Variants in ADAP1 observed in about 807,000 individuals in gnomAD.
The protein encoded by ADAP1 is ArfGAP with dual PH domains 1.
A neutral mutation model predicts 54.9 loss-of-function variants in ADAP1; 31 were observed. The ratio of observed to expected loss-of-function variants is 0.56; its 90% CI spans 0.42 to 0.76. The LOEUF (loss-of-function observed/expected upper bound fraction) is 0.76, where lower values mean the gene tolerates loss of function less well. Among genes scored for constraint, ADAP1 ranks in the 30% least tolerant of loss-of-function variants. The pLI is 0.00. For missense variants in ADAP1, 535 were observed against 512.4 expected (o/e 1.04, Z -0.42); for synonymous variants, 313 against 202.6 (o/e 1.55, Z -4.63).
At chr7:951,544 TG>T (rs1294006355) in intron 1 of ADAP1, among the ~76,000 whole-genome samples, 2 of 151,558 alleles carry the variant, frequency 1.3e-5, no homozygotes, top group African/African-American at 4.9e-5. Flanking sequence ...GCCACTGCAC[TG>T]TAGCCTGGGT....
At chr7:935,617 G>A (rs898206690) in intron 1 of ADAP1, 112 bp from the exon 2 acceptor site, 34 of 1,375,696 alleles carry the variant, frequency 2.5e-5, no homozygotes, top group Non-Finnish European at 3.0e-5. Flanking sequence ...GGGCTTCAGC[G>A]GAGACCCCCG....
intron 2 of ADAP1, among the ~76,000 whole-genome samples, chr7:928,535 C>T (rs1320551859): frequency 6.6e-6 from 1 of 152,192 alleles, no homozygotes; most frequent in East Asian, 1.9e-4. Flanking sequence ...CCACCTCGGC[C>T]TAAAAATGGG....
rs1847131777 is a variant in ADAP1 at position 946,131 on chromosome 7, GT to G, written c.82+8264del. ...TACGTGAGGCGGGGCATGCATGGCT[GT>G]CCCCCAGGCACACAGCGCCCCACTC... On this transcript the variant is annotated intron_variant, in intron 1 of 10. Coordinates refer to ENST00000265846, the MANE Select transcript of ADAP1 (RefSeq NM_006869.4). This position sits in a 1 kb window ranked among gnomAD's most constrained non-coding sequence, Gnocchi z 4.3. Among the ~76,000 whole-genome samples, 1 of 152,202 alleles carries G rather than the reference GT, an allele frequency of 6.6e-6. No individual in the cohort carries two copies. The highest frequency in any genetic ancestry group is 6.5e-5 in the Admixed American group (1 of 15,286).
chr7:905,214 G>C, intron 4 of ADAP1, 42 bp from the exon 5 acceptor site: 1 of 1,535,160 alleles, frequency 6.5e-7, no homozygotes, highest in Middle Eastern at 1.7e-4. Context: ...AGTGGATGGG[G>C]GGGAGGAAAC....
rs79283914 is a variant in ADAP1 at position 950,238 on chromosome 7, C to T, written c.82+4158G>A. Among the ~76,000 whole-genome samples the T allele has an allele frequency of 4.0e-3, 606 of 152,368 alleles. 11 individuals are homozygous for T. In the East Asian group the frequency reaches 0.04, roughly 10 times the overall value. On this transcript the variant is annotated intron_variant, in intron 1 of 10. Coordinates refer to ENST00000265846, the MANE Select transcript of ADAP1 (RefSeq NM_006869.4). The stretch of plus-strand genomic sequence containing the variant: ...TGGTGGCTCACACCTGTAATCCCAG[C>T]ACTTCGGGAGGCCGAGGCAGGCGGA...
At chr7:947,321 T>C (rs1436033023) in intron 1 of ADAP1, among the ~76,000 whole-genome samples, 1 of 149,726 alleles carries the variant, frequency 6.7e-6, no homozygotes, top group Non-Finnish European at 1.5e-5. Context: ...CCTCCCAAAG[T>C]GCTGGGATCA....
intron 4 of ADAP1, among the ~76,000 whole-genome samples, chr7:914,898 G>A (rs928980919): frequency 6.6e-6 from 1 of 151,984 alleles, no homozygotes; most frequent in African/African-American, 2.4e-5. Flanking sequence ...TAGAGGGGAG[G>A]CTTCAAGGAG....
At chr7:908,498 C>T (rs910140727) in intron 4 of ADAP1, among the ~76,000 whole-genome samples, 4 of 152,172 alleles carry the variant, frequency 2.6e-5, no homozygotes, top group African/African-American at 9.7e-5. Context: ...GCCCCGTGCG[C>T]ACAGCAGCAG....
chr7:927,015 G>A (rs1302888933), intron 2 of ADAP1: 6 of 1,257,632 alleles, frequency 4.8e-6, no homozygotes, highest in Middle Eastern at 4.5e-4. Context: ...CTCTGCCCCA[G>A]AGAGCGAGGG....
Position 926,562 on chromosome 7 carries a change from G to T in ADAP1, c.296C>A (p.Ser99Tyr). 6.5e-7 allele frequency: 1 copy of T among 1,537,278 alleles called. No homozygotes were observed. The highest frequency in any genetic ancestry group is 1.4e-5 in the African/African-American group (1 of 71,646). The change falls in exon 3 of 11, where the codon TCC becomes TAC. Residue 99 changes from serine to tyrosine, a missense_variant. By Grantham distance (144) the Ser-to-Tyr change is moderately radical. Coordinates refer to ENST00000265846, the MANE Select transcript of ADAP1 (RefSeq NM_006869.4). This position sits in a 1 kb window ranked among gnomAD's most constrained non-coding sequence, Gnocchi z 4.6. The stretch of plus-strand genomic sequence containing the variant: ...GCCCCTTTGTACTCACTGGCAGTCG[G>T]AGGGCGTGGGCCGGTAGTAGAAGGA... Reference protein sequence around the residue: ...VPSFYYRPTPSDCQLLREQWI... With the variant: ...VPSFYYRPTPYDCQLLREQWI...
At position 954,428 on chromosome 7, in the gene ADAP1, C is replaced by T; in HGVS notation, c.50G>A (p.Gly17Glu). Residue 17 changes from glycine to glutamate, a missense_variant, in exon 1 of 11, where the codon GGG becomes GAG. By Grantham distance (98) the Gly-to-Glu change is moderately conservative (BLOSUM62 -2). Coordinates refer to ENST00000265846, the MANE Select transcript of ADAP1 (RefSeq NM_006869.4). ...GCCGCAGTCCGCGCAGCGCGCGTTC[C>T]CCGGCCGCTGCAGCAGCTCCAGGAC... ...RAVLELLQRPGNARCADCGAP... is the reference protein window; with the variant it reads ...RAVLELLQRPENARCADCGAP... The T allele has an allele frequency of 8.8e-7, 1 of 1,140,400 alleles. No homozygotes were observed. Among genetic ancestry groups the T allele is most frequent in the East Asian group, 8.0e-5 (1 of 12,472 alleles). 70.6% of individuals were successfully genotyped at this position (1,140,400 alleles called of 1,614,324 possible). A position where few individuals can be genotyped will look rare whatever the true frequency, so the allele number is the denominator to read the frequency against.
Position 946,252 on chromosome 7 carries a change from C to A in ADAP1, c.82+8144G>T, listed in dbSNP as rs545826660. 1.8e-4 allele frequency among the ~76,000 whole-genome samples: 27 copies of A among 152,274 alleles called. No homozygotes were observed. The East Asian group carries it at 5.0e-3, about 28-fold the overall frequency. On this transcript the variant is annotated intron_variant, in intron 1 of 10. Transcript: ENST00000265846. This position sits in a 1 kb window ranked among gnomAD's most constrained non-coding sequence, Gnocchi z 4.3. ...TGGCCCCTGCAGGGATCCAGGCTCC[C>A]GCCGGCCGGTGGATCCCCGCCAGCG...
chr7:931,473 C>T (rs1846575426), intron 2 of ADAP1, among the ~76,000 whole-genome samples: 4 of 152,180 alleles, frequency 2.6e-5, no homozygotes, highest in South Asian at 2.1e-4. Flanking sequence ...AGGAGTCGGA[C>T]GCCGAAGCTC....
chr7:914,167 G>C (rs981163540), intron 4 of ADAP1, among the ~76,000 whole-genome samples: 11 of 152,196 alleles, frequency 7.2e-5, no homozygotes, highest in Non-Finnish European at 1.3e-4. Flanking sequence ...TCTTGGTTCC[G>C]GCTCATTCCA....
At chr7:940,566 A>T (rs990829397) in intron 1 of ADAP1, among the ~76,000 whole-genome samples, 9 of 152,196 alleles carry the variant, frequency 5.9e-5, no homozygotes, top group Middle Eastern at 3.2e-3. Context: ...GTTGATGAGG[A>T]TACAGAGCAA....
At chr7:905,659 AGGAGAAAGGAGAAAGGGAAAG>A (rs1845193938) in intron 4 of ADAP1, 1 of 205,822 alleles carries the variant, frequency 4.9e-6, no homozygotes, top group African/African-American at 2.3e-5. Flanking sequence ...GAAAGGAGAA[AGGAGAAAGGAGAAAGGGAAAG>A]GAGAAAGGAG....
intron 8 of ADAP1, 103 bp from the exon 9 acceptor site, chr7:899,593 T>TCAGTCACCTC (rs982582668): frequency 7.6e-7 from 1 of 1,320,226 alleles, no homozygotes; most frequent in African/African-American, 1.5e-5. Flanking sequence ...CTGGCCCGGG[T>TCAGTCACCTC]CAGTCACCTC....
chr7:928,112 A>G (rs1197826836), intron 2 of ADAP1, among the ~76,000 whole-genome samples: 1 of 150,718 alleles, frequency 6.6e-6, no homozygotes, highest in Non-Finnish European at 1.5e-5. Context: ...CCCAGCTACT[A>G]GGGAGGCCGA....
rs768519242 is a variant in ADAP1 at position 898,914 on chromosome 7, G to T, written c.*7C>A. 2 of 1,599,692 alleles carry T rather than the reference G, an allele frequency of 1.3e-6. No homozygotes were observed. Among genetic ancestry groups the T allele is most frequent in the East Asian group, 2.3e-5 (1 of 43,842 alleles). On this transcript the variant is annotated 3_prime_UTR_variant, in exon 11 of 11. Coordinates refer to ENST00000265846, the MANE Select transcript of ADAP1 (RefSeq NM_006869.4). ...GTCCAATGTCCGTGGTCCTCCAGCC[G>T]CACTCGCTAAGGTTTATGCTTGAAG...
Sources: allele counts gnomAD v4.1 joint callset (sites outside exome capture counted in the v4.1 genomes callset), GRCh38; gene constraint gnomAD v4.1.1; non-coding constraint Gnocchi (gnomAD v3.1); transcripts MANE v1.5; gene names NCBI Gene and HGNC (gene_info 2026-07-23, HGNC 2026-07-21).